HEATR4: variants seen among roughly 807,000 people sequenced by gnomAD.
HEATR4 encodes HEAT repeat containing 4, also known as HEAT repeat-containing protein 4.
Under a neutral mutation model 108.8 loss-of-function variants are expected in HEATR4, and 95 were observed. The observed-to-expected ratio is 0.87, with a 90% confidence interval of 0.74 to 1.04. The LOEUF (loss-of-function observed/expected upper bound fraction) is 1.04. HEATR4 is among the 50% of genes least tolerant of loss of function. HEATR4 has a pLI of 0.00. For synonymous variants in HEATR4, 443 were observed against 459.4 expected, an observed-to-expected ratio of 0.96 and a Z score of 0.46; for missense variants, 1,152 against 1,253.8, an observed-to-expected ratio of 0.92 and a Z score of 1.23.
chr14:73,531,893 C>G (rs972060657), intron 1 of HEATR4, among the ~76,000 whole-genome samples: 1 of 113,080 alleles, frequency 8.8e-6, no homozygotes, highest in Non-Finnish European at 1.9e-5. Context: ...TCAGCTGGGC[C>G]TGGTGGCGCA....
At chr14:73,521,471 A>G (rs745904377) in intron 3 of HEATR4, among the ~76,000 whole-genome samples, 3 of 152,200 alleles carry the variant, frequency 2.0e-5, no homozygotes, top group Non-Finnish European at 4.4e-5. Flanking sequence ...TTAAAGGTAC[A>G]TATCTGTGTC....
Position 73,531,547 on chromosome 14 carries a change from T to C in HEATR4, c.-151-1303A>G, listed in dbSNP as rs760141121. Among the ~76,000 whole-genome samples the C allele has an allele frequency of 4.0e-4, 43 of 106,258 alleles. 9 individuals are homozygous for C. The highest frequency in any genetic ancestry group is 6.8e-4 in the Non-Finnish European group (34 of 49,660). 69.7% of individuals were successfully genotyped at this position (106,258 alleles called of 152,430 possible). A position where few individuals can be genotyped will look rare whatever the true frequency, so the allele number is the denominator to read the frequency against. On this transcript the variant is annotated intron_variant, in intron 1 of 17. Coordinates refer to ENST00000553558, the MANE Select transcript of HEATR4 (RefSeq NM_001220484.1). ...GCAATTCTCCTGTCTCAGCCTCCCA[T>C]TACAGGCCACACCACCACGCCCCAC...
In HEATR4 at chr14:73,496,584, A is replaced by G. The variant is rs114211660; in HGVS notation, c.2625+17T>C. The G allele has an allele frequency of 1.2e-3, 1,890 of 1,539,484 alleles. 17 individuals carry two copies. The African/African-American group carries it at 0.016, about 13-fold the overall frequency. On this transcript the variant is annotated intron_variant, in intron 15 of 17. Transcript: ENST00000553558. ...GTCCTGAATTTTCTCTTGAGAACAG[A>G]GCTTGCACTTATTTACCCTGTTCTT...
chr14:73,609,263 A>G, the HEATR4 span, among the ~76,000 whole-genome samples: 1 of 152,176 alleles, frequency 6.6e-6, no homozygotes, highest in African/African-American at 2.4e-5. Flanking sequence ...TGCATCCAAA[A>G]GCTGCCTCTT....
chr14:73,504,367 C>T (rs552716767), intron 10 of HEATR4, among the ~76,000 whole-genome samples: 2 of 151,972 alleles, frequency 1.3e-5, no homozygotes, highest in African/African-American at 4.8e-5. Flanking sequence ...CTCAGCCTCC[C>T]GAGGAGCTGG....
the HEATR4 span, chr14:73,594,008 AG>A: frequency 1.8e-6 from 2 of 1,095,192 alleles, no homozygotes; most frequent in Non-Finnish European, 2.6e-6. Context: ...TCTTTCACAA[AG>A]ATGTCTTCTG....
intron 11 of HEATR4, 46 bp downstream of exon 11, chr14:73,502,849 T>G (rs1454188207): frequency 6.7e-7 from 1 of 1,481,586 alleles, no homozygotes; most frequent in East Asian, 2.3e-5. Flanking sequence ...TCCTAAACAC[T>G]TCTAAGAATT....
intron 2 of HEATR4, among the ~76,000 whole-genome samples, chr14:73,528,203 T>G (rs1396923899): frequency 6.6e-6 from 1 of 151,252 alleles, no homozygotes; most frequent in African/African-American, 2.4e-5. Context: ...GAAATCAGTC[T>G]GGCCAACATG....
At chr14:73,621,972 G>A in the HEATR4 span, among the ~76,000 whole-genome samples, 15 of 151,582 alleles carry the variant, frequency 9.9e-5, no homozygotes, top group Non-Finnish European at 5.9e-5. Context: ...TACGTTGCCC[G>A]GGCTGGTCTC....
At chr14:73,624,424 C>A in the HEATR4 span, among the ~76,000 whole-genome samples, 1 of 152,004 alleles carries the variant, frequency 6.6e-6, no homozygotes, top group Non-Finnish European at 1.5e-5. Flanking sequence ...CCAACGCGCC[C>A]CGCCCAAAAA....
chr14:73,570,520 G>C, the HEATR4 span, among the ~76,000 whole-genome samples: 1 of 152,082 alleles, frequency 6.6e-6, no homozygotes, highest in African/African-American at 2.4e-5. Context: ...AGTGAGCTGA[G>C]ATCGCGCCAC....
At chr14:73,571,096 C>G in the HEATR4 span, 2 of 151,752 alleles carry the variant, frequency 1.3e-5, no homozygotes, top group South Asian at 2.1e-4. Flanking sequence ...TGCCCGCCCA[C>G]CATTGCTCCA....
At chr14:73,510,674 G>A (rs1257526023) in intron 7 of HEATR4, among the ~76,000 whole-genome samples, 1 of 152,188 alleles carries the variant, frequency 6.6e-6, no homozygotes, top group African/African-American at 2.4e-5. Flanking sequence ...GACTTCAGGT[G>A]ATCCACCTGC....
intron 17 of HEATR4, among the ~76,000 whole-genome samples, chr14:73,489,305 C>T (rs1885578192): frequency 6.6e-6 from 1 of 151,878 alleles, no homozygotes; most frequent in African/African-American, 2.4e-5. Flanking sequence ...TGTAACAGAC[C>T]ATGTGAGAAA....
chr14:73,569,402 T>A, the HEATR4 span: 10 of 1,613,842 alleles, frequency 6.2e-6, no homozygotes, highest in Admixed American at 1.7e-4. Flanking sequence ...GGCAGGTTGG[T>A]CAGATCATTA....
chr14:73,572,418 TTCAG>T, the HEATR4 span, among the ~76,000 whole-genome samples: 7 of 149,926 alleles, frequency 4.7e-5, no homozygotes, highest in South Asian at 2.1e-4. Flanking sequence ...GGAGAACACA[TTCAG>T]TATCATTCCA....
rs1188147365 is a variant in HEATR4, at chr14:73,496,645, C to T, written c.2581G>A (p.Gly861Arg). ...MYQTMKILNL[G>R]NEGNQEMLQE... is the part of the protein sequence containing the mutation. Reference sequence around the variant, plus strand: ...AGCATTTCTTGGTTTCCTTCATTTCCTAAGTTGAGTATCTTCATTGTCTGG... The same window carrying T: ...AGCATTTCTTGGTTTCCTTCATTTCTTAAGTTGAGTATCTTCATTGTCTGG... The change falls in exon 15 of 18, where the codon GGA (glycine) becomes AGA (arginine). Residue 861 changes from glycine to arginine, a missense_variant. Transcript: ENST00000553558. 6.3e-7 allele frequency: 1 copy of T among 1,599,240 alleles called. No individual in the cohort carries two copies. The highest frequency in any genetic ancestry group is 2.2e-5 in the East Asian group (1 of 44,786).
At chr14:73,606,379 C>CAAAAAAA in the HEATR4 span, among the ~76,000 whole-genome samples, 1 of 87,038 alleles carries the variant, frequency 1.1e-5, no homozygotes, top group African/African-American at 5.1e-5. Context: ...ACAAACAAAA[C>CAAAAAAA]AAAACAAAAA....
chr14:73,616,157 T>C, the HEATR4 span, among the ~76,000 whole-genome samples: 116,299 of 151,806 alleles, frequency 0.77, 44,809 homozygotes, highest in East Asian at 0.95. Flanking sequence ...TTTGTAGAGA[T>C]GGGTCTTGTT....
Sources: gnomAD v4.1 joint callset for allele counts (sites outside exome capture counted in the v4.1 genomes callset) on GRCh38, gnomAD v4.1.1 for gene constraint, MANE v1.5 for transcripts, NCBI Gene and HGNC (gene_info 2026-07-23, HGNC 2026-07-21) for gene names.